The following ACVR1 variants were observed in gnomAD, a reference collection of about 807,000 sequenced individuals.
The protein encoded by ACVR1 is activin A receptor type 1, also known as activin receptor type-1.
In ACVR1, 38 loss-of-function variants were observed where a neutral mutation model predicts 57.1. That is an observed-to-expected ratio of 0.67 (90% CI 0.51 to 0.87). ACVR1 has a LOEUF of 0.87. Ranked by LOEUF, ACVR1 falls within the 40% of genes least tolerant of loss-of-function variation. The pLI, the probability that ACVR1 is intolerant of heterozygous loss-of-function variation, is 0.00. For synonymous variants in ACVR1, 212 were observed against 228.1 expected (o/e 0.93, Z 0.63); for missense variants, 463 against 638.2 (o/e 0.73, Z 2.96).
chr2:157,807,916 T>TTCTC (rs149277565), intron 2 of ACVR1, among the ~76,000 whole-genome samples: 13 of 143,362 alleles, frequency 9.1e-5, no homozygotes, highest in Non-Finnish European at 1.5e-4. Context: ...ATTTCTCTCT[T>TTCTC]TCTCTCTCTC....
chr2:157,875,381 CCTAT>C (rs1338999395), intron 1 of ACVR1, among the ~76,000 whole-genome samples: 6 of 152,118 alleles, frequency 3.9e-5, no homozygotes, highest in Non-Finnish European at 7.3e-5. Flanking sequence ...GGGAAATTCG[CCTAT>C]CTATCTCCTT....
chr2:157,854,988 A>G (rs547724316), intron 1 of ACVR1, among the ~76,000 whole-genome samples: 5 of 150,924 alleles, frequency 3.3e-5, no homozygotes, highest in East Asian at 4.0e-4. Context: ...GCAGTGAGCC[A>G]AGATCGTGCC....
chr2:157,803,884 T>C (rs1323759569), intron 2 of ACVR1, among the ~76,000 whole-genome samples: 2 of 151,764 alleles, frequency 1.3e-5, no homozygotes, highest in African/African-American at 4.9e-5. Flanking sequence ...ATATTCATAA[T>C]AAAATAACAA....
At chr2:157,766,261 A>AAAT in intron 7 of ACVR1, 65 bp from the exon 8 acceptor site, 1 of 1,522,462 alleles carries the variant, frequency 6.6e-7, no homozygotes, top group Non-Finnish European at 9.1e-7. Flanking sequence ...AAGTATTTAG[A>AAAT]AATAGCGACC....
At chr2:157,783,518 C>A (rs1686603392) in intron 3 of ACVR1, among the ~76,000 whole-genome samples, 1 of 152,168 alleles carries the variant, frequency 6.6e-6, no homozygotes, top group Admixed American at 6.5e-5. Context: ...TCCTTAAATT[C>A]TTTATATACT....
Position 157,865,804 on chromosome 2 carries a change from A to AG in ACVR1, c.-183+9991_-183+9992insC, listed in dbSNP as rs1432746368. On this transcript the variant is annotated intron_variant, in intron 1 of 10. Coordinates refer to ENST00000434821, the MANE Select transcript of ACVR1 (RefSeq NM_001111067.4). ...GAGGGAAACTCCATCTCAAAAAAAAAAAAAAGAAAAAGAAAAAAGATAGAT... is the reference window on the plus strand; with the variant it reads ...GAGGGAAACTCCATCTCAAAAAAAAAGAAAAAGAAAAAGAAAAAAGATAGAT... 2.3e-3 allele frequency among the ~76,000 whole-genome samples: 335 copies of AG among 144,614 alleles called. 8 individuals are homozygous for AG. Among genetic ancestry groups the AG allele is most frequent in the African/African-American group, 8.1e-3 (314 of 38,798 alleles). 94.9% of individuals were successfully genotyped at this position (144,614 alleles called of 152,430 possible).
At chr2:157,870,591 A>AT (rs1274773130) in intron 1 of ACVR1, among the ~76,000 whole-genome samples, 2 of 152,230 alleles carry the variant, frequency 1.3e-5, no homozygotes, top group Non-Finnish European at 2.9e-5. Flanking sequence ...TTGGAAACAT[A>AT]TGCAACAGGA....
intron 9 of ACVR1, among the ~76,000 whole-genome samples, chr2:157,744,597 T>C (rs1684893504): frequency 6.6e-6 from 1 of 152,162 alleles, no homozygotes; most frequent in African/African-American, 2.4e-5. Context: ...AAAGTAGCAT[T>C]TGGATATGGA....
At chr2:157,804,767 A>G (rs1559067092) in intron 2 of ACVR1, among the ~76,000 whole-genome samples, 1 of 152,252 alleles carries the variant, frequency 6.6e-6, no homozygotes. Context: ...CTACTTTCTT[A>G]GAAGACAGAA....
intron 9 of ACVR1, among the ~76,000 whole-genome samples, chr2:157,759,110 C>G (rs552429474): frequency 6.6e-6 from 1 of 151,530 alleles, no homozygotes; most frequent in Non-Finnish European, 1.5e-5. Flanking sequence ...ACAAACCAAA[C>G]CCAAAATTAA....
At chr2:157,752,085 C>T (rs746727925) in intron 9 of ACVR1, among the ~76,000 whole-genome samples, 1 of 152,204 alleles carries the variant, frequency 6.6e-6, no homozygotes, top group African/African-American at 2.4e-5. Context: ...AGAGCAGGTG[C>T]CGGTATCCAT....
chr2:157,793,794 T>C (rs1305496993), intron 3 of ACVR1, among the ~76,000 whole-genome samples: 1 of 152,206 alleles, frequency 6.6e-6, no homozygotes, highest in Non-Finnish European at 1.5e-5. Flanking sequence ...TATTCTATTC[T>C]TCCCCCCAGC....
intron 1 of ACVR1, among the ~76,000 whole-genome samples, chr2:157,827,581 A>C (rs1421399502): frequency 2.0e-5 from 3 of 152,200 alleles, no homozygotes; most frequent in Admixed American, 6.5e-5. Context: ...TTGTGTAATA[A>C]TTGGGGTAGT....
chr2:157,774,376 T>G (rs1686192593), intron 5 of ACVR1, among the ~76,000 whole-genome samples, 189 bp from the exon 6 acceptor site: 1 of 152,226 alleles, frequency 6.6e-6, no homozygotes, highest in East Asian at 1.9e-4. Context: ...ATTTTTTATT[T>G]TTTTTGAGAC....
chr2:157,852,897 T>G (rs1689371864), intron 1 of ACVR1, among the ~76,000 whole-genome samples: 1 of 152,054 alleles, frequency 6.6e-6, no homozygotes, highest in Non-Finnish European at 1.5e-5. Context: ...CGGAAAACAA[T>G]GAAAAGACCC....
intron 1 of ACVR1, among the ~76,000 whole-genome samples, chr2:157,851,566 A>G (rs780916034): frequency 2.0e-5 from 3 of 152,150 alleles, no homozygotes; most frequent in Admixed American, 6.5e-5. Flanking sequence ...TAAAAATACT[A>G]TTATACTCTA....
Position 157,804,732 on chromosome 2 carries a change from T to C in ACVR1, c.-7-5232A>G, listed in dbSNP as rs79896779. ...AACTAAGGTACCCTCTTTAAATCAA[T>C]ACTGTTTCTTACAATGTCTCAGGCC... On this transcript the variant is annotated intron_variant, in intron 2 of 10. Coordinates refer to ENST00000434821, the MANE Select transcript of ACVR1 (RefSeq NM_001111067.4). Among the ~76,000 whole-genome samples, 54 of 152,340 alleles carry C rather than the reference T, an allele frequency of 3.5e-4. 2 individuals carry two copies. In the East Asian group the frequency reaches 0.01, roughly 29 times the overall value.
At chr2:157,739,426 G>A (rs966114306) in intron 9 of ACVR1, among the ~76,000 whole-genome samples, 2 of 152,086 alleles carry the variant, frequency 1.3e-5, no homozygotes, top group African/African-American at 4.8e-5. Context: ...TCCTTAAACA[G>A]AAAAATTTTT....
chr2:157,806,036 C>T (rs1445768891), intron 2 of ACVR1, among the ~76,000 whole-genome samples: 1 of 151,772 alleles, frequency 6.6e-6, no homozygotes, highest in Non-Finnish European at 1.5e-5. Context: ...CCATGTTTCT[C>T]AGTCTGGTCT....
Sources: allele counts gnomAD v4.1 joint callset (sites outside exome capture counted in the v4.1 genomes callset), GRCh38; gene constraint gnomAD v4.1.1; transcripts MANE v1.5; gene names NCBI Gene and HGNC (gene_info 2026-07-23, HGNC 2026-07-21).